ANK3: variants seen among roughly 807,000 people sequenced by gnomAD.
ANK3 encodes ankyrin 3.
A neutral mutation model predicts 370.9 loss-of-function variants in ANK3; 57 were observed. That is an observed-to-expected ratio of 0.15 (90% confidence interval 0.12 to 0.19). The LOEUF is 0.19. Ranked by LOEUF, ANK3 falls within the 10% of genes least tolerant of loss-of-function variation. ANK3 has a pLI of 1.00. For synonymous variants in ANK3, 1,929 were observed against 1,946.3 expected (o/e 0.99, Z 0.23); for missense variants, 4,439 against 5,302.1 (o/e 0.84, Z 5.06).
At chr10:60,032,816 C>T (rs567038670) in intron 43 of ANK3, among the ~76,000 whole-genome samples, 28 of 152,106 alleles carry the variant, frequency 1.8e-4, no homozygotes, top group Admixed American at 5.9e-4. Flanking sequence ...GCCTGTTGGC[C>T]CCAACCACAC....
At chr10:60,521,377 G>T (rs1237279887) in intron 2 of ANK3, among the ~76,000 whole-genome samples, 3 of 152,096 alleles carry the variant, frequency 2.0e-5, no homozygotes, top group Non-Finnish European at 2.9e-5. Context: ...CTATAGCAAA[G>T]AAGTACTCTA....
At chr10:60,040,297 T>G (rs917554665) in intron 43 of ANK3, among the ~76,000 whole-genome samples, 4 of 152,144 alleles carry the variant, frequency 2.6e-5, no homozygotes, top group African/African-American at 9.7e-5. Context: ...TTTCTTTTTT[T>G]TTTTTTAAAG....
chr10:60,334,569 T>A (rs2052325460), intron 1 of ANK3, among the ~76,000 whole-genome samples: 1 of 152,122 alleles, frequency 6.6e-6, no homozygotes, highest in Non-Finnish European at 1.5e-5. Context: ...TGGGCCAGGG[T>A]CTCTCCCCTT....
At chr10:60,428,118 A>T (rs1184982637) in intron 2 of ANK3, among the ~76,000 whole-genome samples, 2 of 152,152 alleles carry the variant, frequency 1.3e-5, no homozygotes, top group African/African-American at 4.8e-5. Flanking sequence ...ATTAAATAGC[A>T]TTTCCATGCA....
chr10:60,593,423 T>G (rs1056399850), intron 2 of ANK3, among the ~76,000 whole-genome samples: 5 of 152,174 alleles, frequency 3.3e-5, no homozygotes, highest in African/African-American at 1.2e-4. Flanking sequence ...GGACTCACTA[T>G]AAAGAGAATT....
chr10:60,296,005 G>A (rs1459723465), intron 1 of ANK3, among the ~76,000 whole-genome samples: 2 of 152,128 alleles, frequency 1.3e-5, no homozygotes, highest in African/African-American at 4.8e-5. Flanking sequence ...GTTCTTGATT[G>A]ACCTCATGAT....
At chr10:60,519,599 T>C (rs535573692) in intron 2 of ANK3, among the ~76,000 whole-genome samples, 1 of 152,266 alleles carries the variant, frequency 6.6e-6, no homozygotes, top group Non-Finnish European at 1.5e-5. Context: ...AGACAAGTGC[T>C]TGAAAATGAA....
chr10:60,218,189 T>C (rs1051731802), intron 8 of ANK3, among the ~76,000 whole-genome samples: 1 of 151,564 alleles, frequency 6.6e-6, no homozygotes, highest in African/African-American at 2.4e-5. Context: ...GCACATGAGA[T>C]GGGCTTCCTG....
chr10:60,237,262 G>A (rs951495140), intron 7 of ANK3, among the ~76,000 whole-genome samples: 4 of 152,160 alleles, frequency 2.6e-5, no homozygotes, highest in Non-Finnish European at 2.9e-5. Flanking sequence ...TGACCCAAGC[G>A]GCACAGTGGA....
At chr10:60,673,869 G>A (rs1207845352) in intron 1 of ANK3, among the ~76,000 whole-genome samples, 1 of 152,108 alleles carries the variant, frequency 6.6e-6, no homozygotes, top group African/African-American at 2.4e-5. Context: ...TTAGAAGCAT[G>A]AGTTGAAATC....
At chr10:60,370,459 AAT>A (rs1192326202) in intron 1 of ANK3, among the ~76,000 whole-genome samples, 2 of 152,158 alleles carry the variant, frequency 1.3e-5, no homozygotes, top group Non-Finnish European at 2.9e-5. Flanking sequence ...AAAAAGAAAA[AAT>A]ATATAAAAAT....
At chr10:60,039,718 G>C (rs72818456) in intron 43 of ANK3, among the ~76,000 whole-genome samples, 14,442 of 151,998 alleles carry the variant, frequency 0.095, 792 homozygotes, top group Non-Finnish European at 0.12. Flanking sequence ...TTTAAAAAAG[G>C]GGTTGGGGGA....
chr10:60,362,721 G>A (rs2058794685), intron 1 of ANK3, among the ~76,000 whole-genome samples: 1 of 152,156 alleles, frequency 6.6e-6, no homozygotes, highest in African/African-American at 2.4e-5. Context: ...GTAACACTGA[G>A]AGGATCCCCA....
intron 2 of ANK3, among the ~76,000 whole-genome samples, chr10:60,577,849 T>A (rs577070454): frequency 2.0e-5 from 3 of 152,334 alleles, no homozygotes; most frequent in Admixed American, 1.3e-4. Context: ...TGAAAAATGA[T>A]CACAGTGACA....
chr10:60,072,149 C>T lies in ANK3; in HGVS notation c.8732G>A (p.Gly2911Asp). The change falls in exon 37 of 44, where the codon GGC becomes GAC. Residue 2911 changes from glycine (G) to aspartate (D), a missense_variant. Gly to Asp is a moderately conservative substitution (Grantham distance 94). Coordinates refer to ENST00000280772, the MANE Select transcript of ANK3 (RefSeq NM_020987.5). ...CATTTCTTTAATTTCTGAGAGAGAGCCGTTTGTTAACAATTTGCGTTCTCT... is the reference window on the plus strand; with the variant it reads ...CATTTCTTTAATTTCTGAGAGAGAGTCGTTTGTTAACAATTTGCGTTCTCT... ...TERERKLLTN[G>D]SLSEIKEMTV... is the part of the protein sequence containing the mutation. The T allele has an allele frequency of 6.2e-7, 1 of 1,613,726 alleles. No homozygotes were observed. The highest frequency in any genetic ancestry group is 8.5e-7 in the Non-Finnish European group (1 of 1,179,982).
chr10:60,094,181 A>ATTTTT (rs1169437967), intron 28 of ANK3, among the ~76,000 whole-genome samples: 17 of 116,380 alleles, frequency 1.5e-4, no homozygotes, highest in Non-Finnish European at 2.3e-4. Context: ...ACAGTATTCT[A>ATTTTT]TTTTTTTTTT....
intron 2 of ANK3, among the ~76,000 whole-genome samples, chr10:60,412,290 C>T (rs2063576214): frequency 6.6e-6 from 1 of 152,094 alleles, no homozygotes; most frequent in South Asian, 2.1e-4. Flanking sequence ...TGTGGATGGG[C>T]CTCATCCAAT....
intron 1 of ANK3, among the ~76,000 whole-genome samples, chr10:60,634,460 C>G (rs917749917): frequency 4.6e-5 from 7 of 152,022 alleles, no homozygotes; most frequent in Non-Finnish European, 8.8e-5. Flanking sequence ...GGATTGTAAA[C>G]GGACCAATCG....
At chr10:60,125,886 G>A (rs961238237) in intron 25 of ANK3, among the ~76,000 whole-genome samples, 5 of 152,142 alleles carry the variant, frequency 3.3e-5, no homozygotes, top group African/African-American at 1.2e-4. Flanking sequence ...ATATCAAATT[G>A]TACATTACAC....
Sources: allele counts gnomAD v4.1 joint callset (sites outside exome capture counted in the v4.1 genomes callset), GRCh38; gene constraint gnomAD v4.1.1; transcripts MANE v1.5; gene names NCBI Gene and HGNC (gene_info 2026-07-23, HGNC 2026-07-21).